Variants in CADM1 observed in about 807,000 individuals in gnomAD.
CADM1 encodes TSLC-1.
In CADM1, 15 loss-of-function variants were observed where a neutral mutation model predicts 53.1. The observed-to-expected ratio is 0.28, with a 90% CI of 0.19 to 0.44. CADM1 has a LOEUF of 0.44. CADM1 is among the 20% of genes least tolerant of loss of function. CADM1 has a pLI of 1.00. For synonymous variants in CADM1, 281 were observed against 243.0 expected (o/e 1.16, Z -1.45); for missense variants, 434 against 611.3 (o/e 0.71, Z 3.06).
intron 1 of CADM1, among the ~76,000 whole-genome samples, chr11:115,309,305 G>C (rs995545766): frequency 1.3e-5 from 2 of 152,074 alleles, no homozygotes; most frequent in Non-Finnish European, 2.9e-5. Context: ...AAAACCAAAA[G>C]AAAGATTGTC....
chr11:115,280,639 C>T (rs1429574805), intron 1 of CADM1, among the ~76,000 whole-genome samples: 1 of 152,142 alleles, frequency 6.6e-6, no homozygotes, highest in Non-Finnish European at 1.5e-5. Context: ...ACATTGTATA[C>T]AAATCAAAGC....
chr11:115,357,871 A>G lies in CADM1; in HGVS notation c.125-117451T>C, dbSNP rs1455858169. Among the ~76,000 whole-genome samples, 4 of 152,340 alleles carry G rather than the reference A, an allele frequency of 2.6e-5. No individual in the cohort carries two copies. The East Asian group carries it at 7.7e-4, about 29-fold the overall frequency. On this transcript the variant is annotated intron_variant, in intron 1 of 11. Transcript: ENST00000331581. ...ACCTCTCACAGGTTAGACATTGAGA[A>G]CACAGATAAAACAGAAAAAAGTCTG...
At chr11:115,288,964 C>A (rs934110123) in intron 1 of CADM1, among the ~76,000 whole-genome samples, 2 of 152,186 alleles carry the variant, frequency 1.3e-5, no homozygotes, top group Non-Finnish European at 2.9e-5. Flanking sequence ...CTGTAAACCT[C>A]ACACTACCCC....
chr11:115,343,450 G>C (rs1198161683), intron 1 of CADM1, among the ~76,000 whole-genome samples: 1 of 152,094 alleles, frequency 6.6e-6, no homozygotes, highest in East Asian at 1.9e-4. Context: ...TCATAGGTAA[G>C]AAATGGAAGA....
At chr11:115,382,178 A>G (rs1946596127) in intron 1 of CADM1, among the ~76,000 whole-genome samples, 1 of 152,212 alleles carries the variant, frequency 6.6e-6, no homozygotes, top group Admixed American at 6.5e-5. Flanking sequence ...ATTAATATGT[A>G]TTAAAAGAAG....
At chr11:115,263,304 A>G (rs1000298513) in intron 1 of CADM1, among the ~76,000 whole-genome samples, 4 of 152,248 alleles carry the variant, frequency 2.6e-5, no homozygotes, top group African/African-American at 7.2e-5. Context: ...ATTTATCCTC[A>G]TCTCCTAAGA....
At chr11:115,215,427 T>C (rs1941138986) in intron 6 of CADM1, among the ~76,000 whole-genome samples, 1 of 152,164 alleles carries the variant, frequency 6.6e-6, no homozygotes, top group African/African-American at 2.4e-5. Context: ...GTCTATCTGT[T>C]CCTTGGCAAA....
chr11:115,480,543 G>T (rs543319052), intron 1 of CADM1, among the ~76,000 whole-genome samples: 3 of 152,200 alleles, frequency 2.0e-5, no homozygotes, highest in African/African-American at 7.2e-5. Context: ...CCCTCTGAAA[G>T]GGAAGGAAGA....
In CADM1 at chr11:115,388,479, G is replaced by A. The variant is rs189125751; in HGVS notation, c.124+115792C>T. Reference sequence around the variant, plus strand: ...CCTTCCCACGGATTGCTTATTAGTTGTAAGGGTTAATATAGTAACTATACA... The same window carrying A: ...CCTTCCCACGGATTGCTTATTAGTTATAAGGGTTAATATAGTAACTATACA... On this transcript the variant is annotated intron_variant, in intron 1 of 11. Transcript: ENST00000331581. Among the ~76,000 whole-genome samples the A allele has an allele frequency of 3.9e-5, 6 of 152,222 alleles. No individual in the cohort carries two copies. The East Asian group carries it at 1.2e-3, about 29-fold the overall frequency.
intron 1 of CADM1, among the ~76,000 whole-genome samples, chr11:115,306,990 G>C (rs544217219): frequency 6.6e-6 from 1 of 152,082 alleles, no homozygotes; most frequent in Non-Finnish European, 1.5e-5. Context: ...ATTCCATGCA[G>C]GGTAGCATGG....
chr11:115,451,296 T>C (rs1565434433), intron 1 of CADM1, among the ~76,000 whole-genome samples: 1 of 152,218 alleles, frequency 6.6e-6, no homozygotes, highest in South Asian at 2.1e-4. Context: ...TTACGATTGT[T>C]CCACTATGGA....
At chr11:115,185,592 A>C (rs1169370783) in intron 10 of CADM1, among the ~76,000 whole-genome samples, 1 of 152,182 alleles carries the variant, frequency 6.6e-6, no homozygotes, top group African/African-American at 2.4e-5. Flanking sequence ...TTTAACCATG[A>C]GTGGAAATGA....
chr11:115,360,052 G>A (rs1401440942), intron 1 of CADM1, among the ~76,000 whole-genome samples: 2 of 152,104 alleles, frequency 1.3e-5, no homozygotes, highest in Non-Finnish European at 2.9e-5. Flanking sequence ...CTTAAATTCT[G>A]GCCAAGAGCA....
intron 5 of CADM1, among the ~76,000 whole-genome samples, chr11:115,219,397 A>T (rs2134785393): frequency 6.6e-6 from 1 of 152,286 alleles, no homozygotes; most frequent in Non-Finnish European, 1.5e-5. Flanking sequence ...ATTACATGGC[A>T]TTCAAAACCT....
intron 1 of CADM1, among the ~76,000 whole-genome samples, chr11:115,387,627 G>C (rs948068762): frequency 1.2e-4 from 18 of 152,120 alleles, no homozygotes; most frequent in Non-Finnish European, 2.1e-4. Context: ...TTAAAGGACT[G>C]AGTAAATGAA....
intron 1 of CADM1, among the ~76,000 whole-genome samples, chr11:115,431,635 T>C (rs2135297573): frequency 6.6e-6 from 1 of 152,206 alleles, no homozygotes; most frequent in South Asian, 2.1e-4. Flanking sequence ...TTCTCTCCTC[T>C]CTGCCCAGAT....
chr11:115,339,193 A>G (rs202135823), intron 1 of CADM1, among the ~76,000 whole-genome samples: 15 of 150,918 alleles, frequency 9.9e-5, no homozygotes, highest in Non-Finnish European at 1.9e-4. Context: ...ATGGTTTCCA[A>G]TTTCATCCAT....
intron 1 of CADM1, among the ~76,000 whole-genome samples, chr11:115,494,398 A>G (rs115947477): frequency 7.2e-5 from 11 of 152,308 alleles, no homozygotes; most frequent in African/African-American, 2.6e-4. Context: ...GGTTAGCTAC[A>G]GAAACACCAT....
chr11:115,259,934 T>A (rs1245025212), intron 1 of CADM1, among the ~76,000 whole-genome samples: 5 of 152,170 alleles, frequency 3.3e-5, no homozygotes, highest in African/African-American at 1.2e-4. Context: ...TGTTTTTGTT[T>A]TTTGTTTTTT....
Sources: allele counts gnomAD v4.1 joint callset (sites outside exome capture counted in the v4.1 genomes callset), GRCh38; gene constraint gnomAD v4.1.1; transcripts MANE v1.5; gene names NCBI Gene and HGNC (gene_info 2026-07-23, HGNC 2026-07-21).